Variants in STKLD1 observed in about 807,000 individuals in gnomAD.
STKLD1 encodes the protein serine/threonine kinase-like domain-containing protein STKLD1.
In STKLD1, 79 loss-of-function variants were observed where a neutral mutation model predicts 80.4. That is an observed-to-expected ratio of 0.98 (90% CI 0.82 to 1.19). The LOEUF (loss-of-function observed/expected upper bound fraction) is 1.19, where lower values mean the gene tolerates loss of function less well. STKLD1 is among the 50% of genes most tolerant of loss of function. The pLI, the probability that STKLD1 is intolerant of heterozygous loss-of-function variation, is 0.00. For missense variants in STKLD1, 841 were observed against 856.0 expected (o/e 0.98, Z 0.22); for synonymous variants, 393 against 357.6 (o/e 1.10, Z -1.12).
chr9:133,389,465 A>C lies in STKLD1; in HGVS notation c.397-61A>C, dbSNP rs2130284074. 2.5e-6 allele frequency: 4 copies of C among 1,591,384 alleles called. No homozygotes were observed. The African/African-American group carries it at 5.4e-5, about 21-fold the overall frequency. ...CATCCTGCTGGCTGCTCTGAGTGTCACCCCCCTGAAAGCAGCACAGGGTGC... is the reference window on the plus strand; with the variant it reads ...CATCCTGCTGGCTGCTCTGAGTGTCCCCCCCCTGAAAGCAGCACAGGGTGC... On this transcript the variant is annotated intron_variant, in intron 5 of 17. Coordinates refer to ENST00000371957, the MANE Select transcript of STKLD1 (RefSeq NM_153710.5). The surrounding 1 kb of genome is among the most constrained non-coding windows in gnomAD (Gnocchi z 6.4).
At chr9:133,380,652 A>AAATT (rs587608722) in intron 2 of STKLD1, among the ~76,000 whole-genome samples, 1 of 151,994 alleles carries the variant, frequency 6.6e-6, no homozygotes, top group Non-Finnish European at 1.5e-5. Flanking sequence ...GACTCTGTCT[A>AAATT]AATTAATTAA....
chr9:133,386,458 G>A (rs1366435595), intron 4 of STKLD1, among the ~76,000 whole-genome samples: 1 of 152,222 alleles, frequency 6.6e-6, no homozygotes, highest in Non-Finnish European at 1.5e-5. Flanking sequence ...CGACACCGGT[G>A]CCGTCCTGGG....
At chr9:133,397,937 A>G (rs1838604599) in intron 10 of STKLD1, 35 bp from the exon 11 acceptor site, 1 of 1,589,650 alleles carries the variant, frequency 6.3e-7, no homozygotes, top group South Asian at 1.1e-5. Context: ...CCTGGTCCTC[A>G]GAAAGGTCCC....
chr9:133,402,779 ATT>A (rs1234404898), intron 13 of STKLD1, 97 bp from the exon 14 acceptor site: 12 of 1,364,430 alleles, frequency 8.8e-6, no homozygotes, highest in Non-Finnish European at 1.2e-5. Context: ...GGCACCTAGG[ATT>A]GCAGGTCAAA....
chr9:133,376,402 C>A lies in STKLD1; in HGVS notation c.-72C>A, dbSNP rs1408763640. On this transcript the variant is annotated 5_prime_UTR_variant, in exon 1 of 18. Coordinates refer to ENST00000371957, the MANE Select transcript of STKLD1 (RefSeq NM_153710.5). ...GGGCGCCGTTCGGGCGGGGAGGATC[C>A]CGCGGGTCCCACTGACCCACGCGGG... 11 of 1,459,772 alleles carry A rather than the reference C, an allele frequency of 7.5e-6. No homozygotes were observed. In the South Asian group the frequency reaches 1.5e-4, roughly 19 times the overall value. 90.4% of individuals were successfully genotyped at this position (1,459,772 alleles called of 1,614,324 possible).
rs782524524 is a variant in STKLD1, at chr9:133,403,786, G to A, written c.1561G>A (p.Ala521Thr). 7 of 1,613,570 alleles carry A rather than the reference G, an allele frequency of 4.3e-6. No homozygotes were observed. Among genetic ancestry groups the A allele is most frequent in the Non-Finnish European group, 5.9e-6 (7 of 1,179,966 alleles). The change falls in exon 15 of 18, where the codon GCA becomes ACA. Residue 521 changes from alanine (A) to threonine (T), a missense_variant. Ala to Thr is a moderately conservative substitution (Grantham distance 58, BLOSUM62 0). Transcript: ENST00000371957. ...LATYPADGEM[A>T]EASCGVFWLL... The stretch of plus-strand genomic sequence containing the variant: ...CACCTACCCTGCGGATGGGGAAATG[G>A]CAGAAGCCAGCTGCGGAGTCTTCTG...
intron 3 of STKLD1, 69 bp downstream of exon 3, chr9:133,383,969 T>A: frequency 7.0e-7 from 1 of 1,423,916 alleles, no homozygotes; most frequent in Non-Finnish European, 9.9e-7. Flanking sequence ...TTCTGTACCT[T>A]CTTGTTGAGT....
chr9:133,388,568 C>A (rs1035535703), intron 5 of STKLD1, among the ~76,000 whole-genome samples: 9 of 152,264 alleles, frequency 5.9e-5, no homozygotes, highest in Non-Finnish European at 1.3e-4. Context: ...TTAATGATGT[C>A]TTTTGATGAT....
rs1305187486 is a variant in STKLD1 at position 133,403,814 on chromosome 9, T to C, written c.1589T>C (p.Leu530Pro). ...MAEASCGVFW[L>P]LSLLGCIKEQ... ...GAAGCCAGCTGCGGAGTCTTCTGGC[T>C]GCTGTCCCTGCTGGGTGAGCTGGGT... Residue 530 changes from leucine (L) to proline (P), a missense_variant, in exon 15 of 18, where the codon CTG (leucine) becomes CCG (proline). By Grantham distance (98) the Leu-to-Pro change is moderately conservative. Coordinates refer to ENST00000371957, the MANE Select transcript of STKLD1 (RefSeq NM_153710.5). 3 of 1,613,416 alleles carry C rather than the reference T, an allele frequency of 1.9e-6. No individual in the cohort carries two copies. The highest frequency in any genetic ancestry group is 1.3e-5 in the African/African-American group (1 of 74,946).
chr9:133,393,532 G>A (rs1838476285), intron 7 of STKLD1, among the ~76,000 whole-genome samples: 1 of 149,722 alleles, frequency 6.7e-6, no homozygotes, highest in East Asian at 2.0e-4. Context: ...TAGGTGTATG[G>A]ATGAATGGAT....
chr9:133,384,181 G>T lies in STKLD1; in HGVS notation c.219+281G>T, dbSNP rs1838214551. 2.6e-6 allele frequency: 1 copy of T among 379,358 alleles called. No homozygotes were observed. The highest frequency in any genetic ancestry group is 4.9e-6 in the Non-Finnish European group (1 of 205,270). The allele number at this position is 379,358 out of a possible 1,614,324, so 23.5% of individuals were successfully genotyped here. ...GGGCTGGGCACGGTGGCTCACATTT[G>T]TAATCCCACCACTTTGGGAGGCCGA... is the stretch of plus-strand genomic sequence containing the variant. On this transcript the variant is annotated intron_variant, in intron 3 of 17. Transcript: ENST00000371957. The surrounding 1 kb of genome is among the most constrained non-coding windows in gnomAD (Gnocchi z 4.3).
At chr9:133,383,279 TGGTGGTGTG>T (rs1838185682) in intron 2 of STKLD1, among the ~76,000 whole-genome samples, 17 of 7,330 alleles carry the variant, frequency 2.3e-3, no homozygotes, top group Admixed American at 2.8e-3. Flanking sequence ...GTGGTAATGG[TGGTGGTGTG>T]ATGATGTGAT....
chr9:133,385,730 C>A lies in STKLD1; in HGVS notation c.294+39C>A. On this transcript the variant is annotated intron_variant, in intron 4 of 17. Transcript: ENST00000371957. The surrounding 1 kb of genome is among the most constrained non-coding windows in gnomAD (Gnocchi z 4.9). The stretch of plus-strand genomic sequence containing the variant: ...GACACCTACGGGCTCAGCCGCCACG[C>A]AGTGGGCTGCAGGACCAAGCAGACT... 1 of 1,586,302 alleles carries A rather than the reference C, an allele frequency of 6.3e-7. No homozygotes were observed. Among genetic ancestry groups the A allele is most frequent in the Non-Finnish European group, 8.6e-7 (1 of 1,156,674 alleles).
chr9:133,383,743 G>C (rs1838205182), intron 2 of STKLD1, 113 bp from the exon 3 acceptor site: 1 of 913,682 alleles, frequency 1.1e-6, no homozygotes, highest in South Asian at 1.4e-5. Flanking sequence ...GGTTGTGGTG[G>C]AGGTGGTGGC....
In STKLD1 at chr9:133,405,796, C is replaced by T. The variant is rs1386361332; in HGVS notation, c.*375C>T. The T allele has an allele frequency of 5.9e-6, 1 of 168,390 alleles. No individual in the cohort carries two copies. The highest frequency in any genetic ancestry group is 1.7e-4 in the East Asian group (1 of 5,804). 10.4% of individuals were successfully genotyped at this position (168,390 alleles called of 1,614,324 possible). On this transcript the variant is annotated 3_prime_UTR_variant, in exon 18 of 18. Transcript: ENST00000371957. ...AGGCCCCTCCCTCCACGTGTGCCCT[C>T]TCCCTGTCCTTCCTTTCCATGGGCC...
At chr9:133,397,079 C>A in intron 9 of STKLD1, 85 bp from the exon 10 acceptor site, 1 of 1,583,736 alleles carries the variant, frequency 6.3e-7, no homozygotes, top group Non-Finnish European at 8.6e-7. Context: ...ATGGGCAGCC[C>A]GGAGCCAGAG....
rs782143907 is a variant in STKLD1 at position 133,397,125 on chromosome 9, C to T, written c.867-39C>T. ...AGCCCCACGGGGAGGTGGCAGGGGG[C>T]GCTGCTGGGTTACTCAGCCCTCTCT... On this transcript the variant is annotated intron_variant, in intron 9 of 17. Coordinates refer to ENST00000371957, the MANE Select transcript of STKLD1 (RefSeq NM_153710.5). The T allele has an allele frequency of 1.5e-5, 24 of 1,611,262 alleles. No individual in the cohort carries two copies. The East Asian group carries it at 2.5e-4, about 16-fold the overall frequency.
intron 8 of STKLD1, among the ~76,000 whole-genome samples, chr9:133,395,352 G>C (rs1434422303): frequency 6.6e-6 from 1 of 152,172 alleles, no homozygotes; most frequent in East Asian, 1.9e-4. Flanking sequence ...GCTGGGTCTA[G>C]ATCAGGGGGC....
chr9:133,394,153 A>G lies in STKLD1; in HGVS notation c.584-138A>G. 5.9e-6 allele frequency: 4 copies of G among 681,784 alleles called. No homozygotes were observed. The highest frequency in any genetic ancestry group is 8.0e-6 in the Non-Finnish European group (3 of 373,092). 42.2% of individuals were successfully genotyped at this position (681,784 alleles called of 1,614,324 possible). ...AATATTCTCCACCTCTTCTGAGAAG[A>G]GGACCTGCAGGGCTTGTGTTTCAAG... On this transcript the variant is annotated intron_variant, in intron 7 of 17. Coordinates refer to ENST00000371957, the MANE Select transcript of STKLD1 (RefSeq NM_153710.5). This position sits in a 1 kb window ranked among gnomAD's most constrained non-coding sequence, Gnocchi z 4.9.
Sources: gnomAD v4.1 joint callset for allele counts (sites outside exome capture counted in the v4.1 genomes callset) on GRCh38, gnomAD v4.1.1 for gene constraint, Gnocchi (gnomAD v3.1) non-coding constraint, MANE v1.5 for transcripts, NCBI Gene and HGNC (gene_info 2026-07-23, HGNC 2026-07-21) for gene names.